Variants in GTSF1 observed in about 807,000 individuals in gnomAD.
GTSF1 encodes the protein gametocyte specific factor 1, also known as gametocyte-specific factor 1.
Under a neutral mutation model 28.9 loss-of-function variants are expected in GTSF1, and 11 were observed. The ratio of observed to expected loss-of-function variants is 0.38; its 90% confidence interval spans 0.24 to 0.63. GTSF1 has a LOEUF of 0.63. GTSF1 is among the 30% of genes least tolerant of loss of function. GTSF1 has a pLI of 0.56. For missense variants in GTSF1, 146 were observed against 201.0 expected (o/e 0.73, Z 1.66); for synonymous variants, 69 against 65.6 (o/e 1.05, Z -0.25).
intron 1 of GTSF1, 29 bp from the exon 2 acceptor site, chr12:54,471,306 A>C (rs1956591483): frequency 6.6e-7 from 1 of 1,511,738 alleles, no homozygotes; most frequent in Non-Finnish European, 9.0e-7. Flanking sequence ...TGATTCAGGA[A>C]ATCAGAAATA....
At chr12:54,459,977 C>T (rs1300473673) in intron 7 of GTSF1, among the ~76,000 whole-genome samples, 1 of 151,316 alleles carries the variant, frequency 6.6e-6, no homozygotes, top group Non-Finnish European at 1.5e-5. Flanking sequence ...CCGCCCGCCT[C>T]GGCCTCCCAA....
At chr12:54,461,633 T>C (rs1956424676) in intron 6 of GTSF1, among the ~76,000 whole-genome samples, 1 of 152,120 alleles carries the variant, frequency 6.6e-6, no homozygotes, top group Admixed American at 6.5e-5. Flanking sequence ...ACAGAGTCCC[T>C]GTCTCTAAAA....
At chr12:54,460,959 C>T (rs980896657) in intron 6 of GTSF1, among the ~76,000 whole-genome samples, 8 of 152,320 alleles carry the variant, frequency 5.3e-5, no homozygotes, top group African/African-American at 1.9e-4. Context: ...AAAAATTTGA[C>T]AAGCATTCTG....
At chr12:54,465,299 TA>T (rs935653707) in intron 2 of GTSF1, 132 bp from the exon 3 acceptor site, 1,630 of 487,054 alleles carry the variant, frequency 3.3e-3, no homozygotes, top group South Asian at 5.2e-3. Flanking sequence ...AAACTTGGAT[TA>T]AAAAAAAAGG....
intron 1 of GTSF1, among the ~76,000 whole-genome samples, chr12:54,473,305 T>G (rs149948049): frequency 2.0e-4 from 31 of 151,960 alleles, no homozygotes; most frequent in African/African-American, 7.2e-4. Flanking sequence ...ACTTAATCAA[T>G]GAGACTAAAT....
At position 54,463,287 on chromosome 12, in the gene GTSF1, T is replaced by C; in HGVS notation, c.128A>G (p.Asp43Gly). The C allele has an allele frequency of 6.2e-7, 1 of 1,613,822 alleles. No homozygotes were observed. ...HLIKCRKNHP[D>G]VASKLATCPF... ...ACAAGTAGCCAATTTGCTTGCAACATCAGGATGATTCTGTGGAACCAAAAT... is the reference window on the plus strand; with the variant it reads ...ACAAGTAGCCAATTTGCTTGCAACACCAGGATGATTCTGTGGAACCAAAAT... The change falls in exon 4 of 9, where the codon GAT (aspartate) becomes GGT (glycine). Residue 43 changes from aspartate (D) to glycine (G), a missense_variant. Asp to Gly is a moderately conservative substitution (Grantham distance 94). Transcript: ENST00000305879.
In GTSF1 at chr12:54,463,038, A is replaced by G. The variant is rs1033804082; in HGVS notation, c.244+133T>C. 6 of 842,638 alleles carry G rather than the reference A, an allele frequency of 7.1e-6. No homozygotes were observed. In the African/African-American group the frequency reaches 8.5e-5, roughly 12 times the overall value. 52.2% of individuals were successfully genotyped at this position (842,638 alleles called of 1,614,324 possible). On this transcript the variant is annotated intron_variant, in intron 4 of 8. Transcript: ENST00000305879. ...TCTGACAACCTATTGCTGCCATGAT[A>G]CAAATCTCAAAGGTGGAAAAGTATT...
intron 1 of GTSF1, 83 bp downstream of exon 1, chr12:54,473,463 G>C (rs955876624): frequency 1.3e-5 from 2 of 152,182 alleles, no homozygotes; most frequent in Non-Finnish European, 2.9e-5. Flanking sequence ...GCAGAAAAGC[G>C]AAATGAGGAT....
intron 8 of GTSF1, 25 bp downstream of exon 8, chr12:54,459,063 CA>C (rs1202504495): frequency 6.5e-7 from 1 of 1,531,744 alleles, no homozygotes; most frequent in Non-Finnish European, 9.0e-7. Context: ...TCTGAAGAGA[CA>C]GTGAAATAAA....
chr12:54,461,789 G>C (rs1956427096), intron 6 of GTSF1, among the ~76,000 whole-genome samples: 1 of 152,122 alleles, frequency 6.6e-6, no homozygotes, highest in Non-Finnish European at 1.5e-5. Context: ...GATCCAAGTG[G>C]TATAGTGGGA....
chr12:54,467,843 G>A (rs985409946), intron 2 of GTSF1, among the ~76,000 whole-genome samples: 4 of 150,566 alleles, frequency 2.7e-5, no homozygotes, highest in East Asian at 2.0e-4. Flanking sequence ...GGCGAATCTC[G>A]GCTCACTGCA....
At chr12:54,462,613 G>A (rs1401218081) in intron 5 of GTSF1, 29 bp downstream of exon 5, 1 of 1,555,372 alleles carries the variant, frequency 6.4e-7, no homozygotes, top group East Asian at 2.2e-5. Context: ...TTTAGACATT[G>A]TGAAGAAAAA....
At chr12:54,465,283 T>C (rs2120769393) in intron 2 of GTSF1, 116 bp from the exon 3 acceptor site, 1 of 546,924 alleles carries the variant, frequency 1.8e-6, no homozygotes, top group East Asian at 2.9e-5. Flanking sequence ...CAATATAGTC[T>C]AAAGAAAACT....
intron 3 of GTSF1, among the ~76,000 whole-genome samples, chr12:54,463,600 T>C (rs1255493315): frequency 6.6e-6 from 1 of 152,168 alleles, no homozygotes; most frequent in African/African-American, 2.4e-5. Context: ...TTTCCCCCAT[T>C]TATTTCTCAG....
intron 2 of GTSF1, 135 bp downstream of exon 2, chr12:54,471,098 G>T: frequency 1.9e-6 from 1 of 519,418 alleles, no homozygotes; most frequent in Non-Finnish European, 3.2e-6. Flanking sequence ...TCAAATTTGG[G>T]CAATACCATA....
chr12:54,461,626 G>T (rs1956424643), intron 6 of GTSF1, among the ~76,000 whole-genome samples: 1 of 152,128 alleles, frequency 6.6e-6, no homozygotes, highest in Non-Finnish European at 1.5e-5. Flanking sequence ...CTGGTTGACA[G>T]AGTCCCTGTC....
At chr12:54,458,052 C>A (rs1409368293) in intron 8 of GTSF1, among the ~76,000 whole-genome samples, 1 of 152,170 alleles carries the variant, frequency 6.6e-6, no homozygotes, top group East Asian at 1.9e-4. Context: ...ATGCAAGAGG[C>A]CAATTATTCA....
intron 2 of GTSF1, chr12:54,469,006 A>T (rs960631878): frequency 2.0e-5 from 3 of 152,206 alleles, no homozygotes; most frequent in Middle Eastern, 3.2e-3. Flanking sequence ...GTTGTTTTCT[A>T]ATTTAATAGA....
chr12:54,457,726 G>C (rs1407222691), intron 8 of GTSF1, among the ~76,000 whole-genome samples: 1 of 152,206 alleles, frequency 6.6e-6, no homozygotes, highest in African/African-American at 2.4e-5. Flanking sequence ...AAGTAGCTGG[G>C]ATGATAGGTG....
Sources: gnomAD v4.1 joint callset for allele counts (sites outside exome capture counted in the v4.1 genomes callset) on GRCh38, gnomAD v4.1.1 for gene constraint, MANE v1.5 for transcripts, NCBI Gene and HGNC (gene_info 2026-07-23, HGNC 2026-07-21) for gene names.